RHOT1: variants seen among roughly 807,000 people sequenced by gnomAD.
RHOT1 encodes ras homolog family member T1.
In RHOT1, 27 loss-of-function variants were observed where a neutral mutation model predicts 95.3. The ratio of observed to expected loss-of-function variants is 0.28; its 90% CI spans 0.21 to 0.39. RHOT1 has a LOEUF of 0.39. RHOT1 is among the 10% of genes least tolerant of loss of function. The pLI is 1.00. For synonymous variants in RHOT1, 227 were observed against 263.5 expected (o/e 0.86, Z 1.34); for missense variants, 578 against 786.7 (o/e 0.73, Z 3.17).
intron 1 of RHOT1, among the ~76,000 whole-genome samples, chr17:32,152,135 G>C (rs771546641): frequency 2.0e-4 from 30 of 152,168 alleles, no homozygotes; most frequent in Non-Finnish European, 3.7e-4. Flanking sequence ...CCCACTCTTT[G>C]TTACCACTGT....
intron 2 of RHOT1, among the ~76,000 whole-genome samples, 184 bp downstream of exon 2, chr17:32,171,285 A>AC (rs2034554766): frequency 6.6e-6 from 1 of 152,134 alleles, no homozygotes; most frequent in Non-Finnish European, 1.5e-5. Context: ...CAGTGGTGCC[A>AC]TCATAGCCCA....
At chr17:32,143,639 GT>G in intron 1 of RHOT1, among the ~76,000 whole-genome samples, 1 of 152,222 alleles carries the variant, frequency 6.6e-6, no homozygotes, top group African/African-American at 2.4e-5. Flanking sequence ...AGTTCCCTCT[GT>G]TCACTGACAT....
intron 1 of RHOT1, among the ~76,000 whole-genome samples, chr17:32,157,340 T>C (rs559823399): frequency 6.6e-6 from 1 of 152,320 alleles, no homozygotes; most frequent in Admixed American, 6.5e-5. Flanking sequence ...AGACATGTTT[T>C]CTGCCCTTGA....
intron 1 of RHOT1, chr17:32,143,005 A>G (rs768107181): frequency 5.8e-5 from 40 of 693,570 alleles, no homozygotes; most frequent in African/African-American, 3.3e-4. Flanking sequence ...CCATGTCCCT[A>G]TTAGCCCTAA....
At position 32,142,516 on chromosome 17, in the gene RHOT1, C is replaced by T. The variant is rs2030489698; in HGVS notation, c.-177C>T. On this transcript the variant is annotated 5_prime_UTR_variant, in exon 1 of 20. Coordinates refer to ENST00000545287, the MANE Select transcript of RHOT1 (RefSeq NM_001033566.3). Reference sequence around the variant, plus strand: ...CCGCCGCCGCCACAGCCCGCTGGGCCGGAGGAGGCGGAGCTGGCGCTGTCC... The same window carrying T: ...CCGCCGCCGCCACAGCCCGCTGGGCTGGAGGAGGCGGAGCTGGCGCTGTCC... 1.3e-5 allele frequency: 6 copies of T among 462,878 alleles called. 1 individual carries two copies. The South Asian group carries it at 3.5e-4, about 27-fold the overall frequency. The allele number at this position is 462,878 out of a possible 1,614,324, so 28.7% of individuals were successfully genotyped here. A position where few individuals can be genotyped will look rare whatever the true frequency, so the allele number is the denominator to read the frequency against.
At chr17:32,202,353 C>G (rs1168772555) in intron 14 of RHOT1, among the ~76,000 whole-genome samples, 2 of 152,100 alleles carry the variant, frequency 1.3e-5, no homozygotes, top group Non-Finnish European at 2.9e-5. Flanking sequence ...ATGGATCCAG[C>G]TCCAAGAGAG....
chr17:32,220,793 G>A (rs1246877652), intron 19 of RHOT1, among the ~76,000 whole-genome samples: 6 of 135,812 alleles, frequency 4.4e-5, no homozygotes, highest in Admixed American at 1.5e-4. Context: ...CTGAGATTGC[G>A]AGACTCTGTC....
At chr17:32,178,446 C>T (rs968985434) in intron 6 of RHOT1, among the ~76,000 whole-genome samples, 3 of 152,150 alleles carry the variant, frequency 2.0e-5, no homozygotes, top group Non-Finnish European at 4.4e-5. Context: ...CCTGCCGTGG[C>T]CTCCCGAGGT....
At chr17:32,183,808 C>T (rs145524669) in intron 8 of RHOT1, among the ~76,000 whole-genome samples, 1,835 of 152,254 alleles carry the variant, frequency 0.012, 30 homozygotes, top group African/African-American at 0.042. Flanking sequence ...CCTCAGCCTG[C>T]CAAAGTGGCT....
At chr17:32,157,885 A>G (rs1380383107) in intron 1 of RHOT1, among the ~76,000 whole-genome samples, 1 of 151,640 alleles carries the variant, frequency 6.6e-6, no homozygotes, top group Non-Finnish European at 1.5e-5. Flanking sequence ...TTCTTCCTAG[A>G]GACCAAGTTA....
At chr17:32,215,817 A>G (rs1163686089) in intron 19 of RHOT1, among the ~76,000 whole-genome samples, 1 of 152,218 alleles carries the variant, frequency 6.6e-6, no homozygotes, top group East Asian at 1.9e-4. Context: ...TCTATCTCAC[A>G]TGTAATCTTT....
At chr17:32,149,623 ATATATATATATATG>A (rs1172227669) in intron 1 of RHOT1, among the ~76,000 whole-genome samples, 66 of 86,210 alleles carry the variant, frequency 7.7e-4, no homozygotes, top group African/African-American at 2.9e-3. Context: ...ATATATATAT[ATATATATATATATG>A]TGTGTGTGTG....
At chr17:32,191,694 AT>A (rs548459581) in intron 8 of RHOT1, among the ~76,000 whole-genome samples, 5 of 152,224 alleles carry the variant, frequency 3.3e-5, no homozygotes, top group Admixed American at 6.5e-5. Flanking sequence ...TTTTACACTT[AT>A]TAACCAGTGA....
At chr17:32,222,969 TCTGA>T (rs911915108) in intron 19 of RHOT1, 3 of 773,048 alleles carry the variant, frequency 3.9e-6, no homozygotes, top group African/African-American at 1.9e-5. Flanking sequence ...CATTTTCTTC[TCTGA>T]CTTTTTTTTT....
intron 16 of RHOT1, among the ~76,000 whole-genome samples, chr17:32,206,103 C>T (rs760672040): frequency 2.6e-5 from 4 of 151,932 alleles, no homozygotes; most frequent in Admixed American, 6.6e-5. Flanking sequence ...TCTTTCTAGC[C>T]CGTCTCCTTA....
chr17:32,216,773 T>G (rs1477938569), intron 19 of RHOT1, among the ~76,000 whole-genome samples: 1 of 152,174 alleles, frequency 6.6e-6, no homozygotes, highest in Non-Finnish European at 1.5e-5. Flanking sequence ...TAGGATTGCC[T>G]TATGAAAAGG....
chr17:32,208,698 A>G (rs1296927329), intron 18 of RHOT1: 1 of 162,494 alleles, frequency 6.2e-6, no homozygotes, highest in East Asian at 1.7e-4. Context: ...CCTTAGGTAT[A>G]TGAAGTTTTC....
At chr17:32,195,676 CTG>C (rs1249334279) in intron 11 of RHOT1, among the ~76,000 whole-genome samples, 1 of 152,162 alleles carries the variant, frequency 6.6e-6, no homozygotes, top group Non-Finnish European at 1.5e-5. Context: ...TTCAGAAAGA[CTG>C]TTGCTTTTTA....
At chr17:32,143,575 T>G (rs2030790541) in intron 1 of RHOT1, among the ~76,000 whole-genome samples, 1 of 151,948 alleles carries the variant, frequency 6.6e-6, no homozygotes. Context: ...ATTTGATATC[T>G]CCCCCCACCC....
Sources: allele counts gnomAD v4.1 joint callset (sites outside exome capture counted in the v4.1 genomes callset), GRCh38; gene constraint gnomAD v4.1.1; transcripts MANE v1.5; gene names NCBI Gene and HGNC (gene_info 2026-07-23, HGNC 2026-07-21).